SLC6A15: variants seen among roughly 807,000 people sequenced by gnomAD.
The protein encoded by SLC6A15 is solute carrier family 6 member 15.
SLC6A15 carries 33 observed loss-of-function variants against 68.5 expected under a neutral mutation model. The observed-to-expected ratio is 0.48, with a 90% CI of 0.37 to 0.64. SLC6A15 has a LOEUF of 0.64. Ranked by LOEUF, SLC6A15 falls within the 30% of genes least tolerant of loss-of-function variation. SLC6A15 has a pLI of 0.00. For synonymous variants in SLC6A15, 347 were observed against 301.0 expected, an observed-to-expected ratio of 1.15 and a Z score of -1.58; for missense variants, 747 against 874.3, an observed-to-expected ratio of 0.85 and a Z score of 1.84.
chr12:84,875,219 T>TAC (rs1871465893), intron 6 of SLC6A15, among the ~76,000 whole-genome samples: 1 of 151,826 alleles, frequency 6.6e-6, no homozygotes, highest in African/African-American at 2.4e-5. Context: ...TACATATAAG[T>TAC]ATTTTTGGTC....
chr12:84,870,439 T>C (rs1871237994), intron 9 of SLC6A15, 39 bp downstream of exon 9: 4 of 1,414,326 alleles, frequency 2.8e-6, no homozygotes, highest in South Asian at 1.6e-5. Context: ...TAAAATGGCC[T>C]GGATTTGTTC....
At chr12:84,871,660 C>A (rs1179187874) in intron 8 of SLC6A15, among the ~76,000 whole-genome samples, 1 of 151,632 alleles carries the variant, frequency 6.6e-6, no homozygotes, top group Non-Finnish European at 1.5e-5. Context: ...TTAATGATGG[C>A]TTTACTTTTT....
intron 9 of SLC6A15, among the ~76,000 whole-genome samples, chr12:84,869,442 G>A (rs1296780808): frequency 7.1e-6 from 1 of 141,134 alleles, no homozygotes; most frequent in Non-Finnish European, 1.5e-5. Flanking sequence ...TCCAGCCTGG[G>A]CGACAGAGCA....
At chr12:84,891,696 C>T in intron 2 of SLC6A15, 136 bp downstream of exon 2, 2 of 929,454 alleles carry the variant, frequency 2.2e-6, no homozygotes, top group Non-Finnish European at 3.2e-6. Context: ...TCACTTCCCA[C>T]AAAGAAGTGG....
chr12:84,894,913 T>A (rs1384302486), intron 1 of SLC6A15, among the ~76,000 whole-genome samples: 6 of 152,060 alleles, frequency 3.9e-5, no homozygotes, highest in African/African-American at 9.7e-5. Flanking sequence ...GTATAACAAC[T>A]CTAGCCAAAC....
intron 10 of SLC6A15, 65 bp from the exon 11 acceptor site, chr12:84,863,666 A>G (rs3782370): frequency 0.14 from 159,098 of 1,173,928 alleles, 12,994 homozygotes; most frequent in South Asian, 0.3. Flanking sequence ...AAAAATGTGC[A>G]TTATATTAAT....
At chr12:84,900,954 GTA>G (rs1183687897) in intron 1 of SLC6A15, among the ~76,000 whole-genome samples, 1 of 141,798 alleles carries the variant, frequency 7.1e-6, no homozygotes, top group African/African-American at 2.7e-5. Flanking sequence ...GTATAGATAT[GTA>G]TATATATACA....
At position 84,861,738 on chromosome 12, in the gene SLC6A15, C is replaced by T. The variant is rs768286786; in HGVS notation, c.2087G>A (p.Arg696Gln). The T allele has an allele frequency of 2.7e-5, 43 of 1,613,822 alleles. No individual in the cohort carries two copies. Among genetic ancestry groups the T allele is most frequent in the Non-Finnish European group, 3.5e-5 (41 of 1,179,916 alleles). ...CAGAGTTGGGGATCCACTCTGTTTT[C>T]GATAAATATTTTTACCAAAATTTGG... The part of the protein sequence containing the change: ...PSPNFGKNIY[R>Q]KQSGSPTLDT... Residue 696 changes from arginine (R) to glutamine (Q), a missense_variant, in exon 12 of 12, where the codon CGA becomes CAA. By Grantham distance (43) the Arg-to-Gln change is conservative. Transcript: ENST00000266682.
intron 1 of SLC6A15, among the ~76,000 whole-genome samples, chr12:84,899,294 C>A (rs1234867062): frequency 6.6e-6 from 1 of 152,062 alleles, no homozygotes. Context: ...GGACAAAAAA[C>A]CCTACTGCAA....
At chr12:84,886,188 TGAA>T (rs1872094233) in intron 2 of SLC6A15, 120 bp from the exon 3 acceptor site, 1 of 539,652 alleles carries the variant, frequency 1.9e-6, no homozygotes, top group African/African-American at 2.0e-5. Flanking sequence ...TGGAGAGCTC[TGAA>T]GAAGACACAA....
intron 10 of SLC6A15, among the ~76,000 whole-genome samples, chr12:84,866,783 A>G (rs1035265183): frequency 1.3e-5 from 2 of 152,208 alleles, no homozygotes; most frequent in Admixed American, 6.5e-5. Context: ...AAAGTTAGCT[A>G]TTTGATAACC....
chr12:84,912,636 T>C lies in SLC6A15; in HGVS notation c.-302A>G, dbSNP rs1465317070. On this transcript the variant is annotated 5_prime_UTR_variant, in exon 1 of 12. Transcript: ENST00000266682. ...TGTGACGGAGGCCGAAGAGGAGCTG[T>C]TGGCAGAGAAGCAGCTTCTTGCCTA... 5 of 152,678 alleles carry C rather than the reference T, an allele frequency of 3.3e-5. No individual in the cohort carries two copies. The highest frequency in any genetic ancestry group is 1.3e-4 in the Admixed American group (2 of 15,298). 9.5% of individuals were successfully genotyped at this position (152,678 alleles called of 1,614,324 possible). A position where few individuals can be genotyped will look rare whatever the true frequency, so the allele number is the denominator to read the frequency against.
intron 1 of SLC6A15, among the ~76,000 whole-genome samples, chr12:84,899,508 C>A (rs1034292491): frequency 6.6e-6 from 1 of 152,128 alleles, no homozygotes; most frequent in African/African-American, 2.4e-5. Flanking sequence ...TCCTAGTTTT[C>A]AGAACTATTT....
rs1392383653 is a variant in SLC6A15 at position 84,883,000 on chromosome 12, G to A, written c.756+859C>T. ...CATTCCTGCTAGTATATGATGATGA[G>A]TGGTAATAAGTTAGCCTGAAATCAG... On this transcript the variant is annotated intron_variant, in intron 5 of 11. Coordinates refer to ENST00000266682, the MANE Select transcript of SLC6A15 (RefSeq NM_182767.6). The A allele has an allele frequency of 7.1e-6, 7 of 984,104 alleles. No homozygotes were observed. The East Asian group carries it at 3.4e-4, about 48-fold the overall frequency. 61.0% of individuals were successfully genotyped at this position (984,104 alleles called of 1,614,324 possible). A position where few individuals can be genotyped will look rare whatever the true frequency, so the allele number is the denominator to read the frequency against.
rs112793578 is a variant in SLC6A15 at position 84,894,430 on chromosome 12, C to T, written c.-188-2122G>A. ...TGCTGATAGTTATGCCTCTCTTAACCTCAGTTCCCACAATAAACTTTGGTT... is the reference window on the plus strand; with the variant it reads ...TGCTGATAGTTATGCCTCTCTTAACTTCAGTTCCCACAATAAACTTTGGTT... On this transcript the variant is annotated intron_variant, in intron 1 of 11. Transcript: ENST00000266682. Among the ~76,000 whole-genome samples the T allele has an allele frequency of 9.4e-3, 1,432 of 152,134 alleles. 26 individuals carry two copies. The highest frequency in any genetic ancestry group is 0.032 in the African/African-American group (1,328 of 41,524).
rs1356381528 is a variant in SLC6A15 at position 84,870,817 on chromosome 12, A to G, written c.1303-147T>C. Reference sequence around the variant, plus strand: ...TGCTCAAATCAGCTCTTAACCTGATAAATCATGTTGTCATTCTCAGAACCT... The same window carrying G: ...TGCTCAAATCAGCTCTTAACCTGATGAATCATGTTGTCATTCTCAGAACCT... On this transcript the variant is annotated intron_variant, in intron 8 of 11. Coordinates refer to ENST00000266682, the MANE Select transcript of SLC6A15 (RefSeq NM_182767.6). 1.5e-5 allele frequency: 7 copies of G among 480,326 alleles called. No homozygotes were observed. The East Asian group carries it at 2.0e-4, about 14-fold the overall frequency. 29.8% of individuals were successfully genotyped at this position (480,326 alleles called of 1,614,324 possible).
intron 1 of SLC6A15, among the ~76,000 whole-genome samples, chr12:84,908,727 A>G (rs1303147329): frequency 1.3e-5 from 2 of 151,694 alleles, no homozygotes; most frequent in Non-Finnish European, 2.9e-5. Flanking sequence ...AAGCATATAT[A>G]TATGTGTGTA....
intron 6 of SLC6A15, 58 bp from the exon 7 acceptor site, chr12:84,873,386 T>C: frequency 1.3e-6 from 2 of 1,571,700 alleles, no homozygotes; most frequent in Admixed American, 1.8e-5. Flanking sequence ...GAATAATTAA[T>C]TTTTATGGAA....
chr12:84,887,519 T>C (rs1304042572), intron 2 of SLC6A15, among the ~76,000 whole-genome samples: 1 of 152,200 alleles, frequency 6.6e-6, no homozygotes. Flanking sequence ...TAGTTGATTC[T>C]AACAAAACTA....
Sources: allele counts gnomAD v4.1 joint callset (sites outside exome capture counted in the v4.1 genomes callset), GRCh38; gene constraint gnomAD v4.1.1; transcripts MANE v1.5; gene names NCBI Gene and HGNC (gene_info 2026-07-23, HGNC 2026-07-21).